ROBO2: variants seen among roughly 807,000 people sequenced by gnomAD.
ROBO2 encodes the protein roundabout guidance receptor 2.
ROBO2 carries 53 observed loss-of-function variants against 160.8 expected under a neutral mutation model. The observed-to-expected ratio is 0.33, with a 90% CI of 0.26 to 0.41. ROBO2 has a LOEUF of 0.41. ROBO2 is among the 10% of genes least tolerant of loss of function. The pLI is 1.00. For missense variants in ROBO2, 1,577 were observed against 1,722.4 expected (o/e 0.92, Z 1.49); for synonymous variants, 664 against 611.7 (o/e 1.09, Z -1.26).
intron 2 of ROBO2, among the ~76,000 whole-genome samples, chr3:77,366,335 G>A (rs555374026): frequency 3.9e-5 from 6 of 152,092 alleles, no homozygotes; most frequent in Middle Eastern, 3.4e-3. Context: ...TGGGACTTTC[G>A]GGAAATGATT....
chr3:77,418,213 G>A (rs1437443105), intron 2 of ROBO2, among the ~76,000 whole-genome samples: 4 of 152,028 alleles, frequency 2.6e-5, no homozygotes, highest in African/African-American at 9.7e-5. Context: ...TCTTCAAATT[G>A]ATATCAACTG....
At chr3:76,325,836 C>T (rs1166299394) in intron 2 of ROBO2, among the ~76,000 whole-genome samples, 1 of 151,890 alleles carries the variant, frequency 6.6e-6, no homozygotes, top group African/African-American at 2.4e-5. Context: ...GTTCCTTGTA[C>T]AAAAAGGAAC....
chr3:77,234,575 G>T (rs1232701472), intron 2 of ROBO2, among the ~76,000 whole-genome samples: 3 of 151,870 alleles, frequency 2.0e-5, no homozygotes, highest in African/African-American at 7.3e-5. Flanking sequence ...CATATGAAAG[G>T]GACATTTATC....
At chr3:76,798,041 T>C (rs2063829700) in intron 2 of ROBO2, among the ~76,000 whole-genome samples, 1 of 149,816 alleles carries the variant, frequency 6.7e-6, no homozygotes, top group African/African-American at 2.5e-5. Context: ...AGGAAATTTT[T>C]CCAAACTCAT....
chr3:76,428,317 A>G (rs1479265672), intron 2 of ROBO2, among the ~76,000 whole-genome samples: 1 of 152,192 alleles, frequency 6.6e-6, no homozygotes, highest in Non-Finnish European at 1.5e-5. Context: ...GAAAAGAAAA[A>G]GCACAGAAAT....
At chr3:77,503,779 A>G (rs986507601) in intron 5 of ROBO2, among the ~76,000 whole-genome samples, 1 of 152,016 alleles carries the variant, frequency 6.6e-6, no homozygotes, top group East Asian at 1.9e-4. Context: ...GTCCCTCAGG[A>G]AAAGTTGTAA....
At chr3:76,824,125 A>G (rs2066367012) in intron 2 of ROBO2, among the ~76,000 whole-genome samples, 1 of 152,178 alleles carries the variant, frequency 6.6e-6, no homozygotes, top group Non-Finnish European at 1.5e-5. Context: ...TCTGGGTTCC[A>G]GCCAGAAGGA....
At chr3:77,216,088 C>T (rs370898348) in intron 2 of ROBO2, among the ~76,000 whole-genome samples, 56 of 152,250 alleles carry the variant, frequency 3.7e-4, no homozygotes, top group South Asian at 2.1e-4. Flanking sequence ...GCTGGGAGAA[C>T]GACTACTCTC....
At chr3:77,406,519 C>A (rs1257314746) in intron 2 of ROBO2, among the ~76,000 whole-genome samples, 1 of 151,998 alleles carries the variant, frequency 6.6e-6, no homozygotes, top group Non-Finnish European at 1.5e-5. Flanking sequence ...ATCAACATGG[C>A]CTTATTAATA....
At chr3:76,671,970 A>C (rs1479446560) in intron 2 of ROBO2, among the ~76,000 whole-genome samples, 1 of 152,150 alleles carries the variant, frequency 6.6e-6, no homozygotes, top group Non-Finnish European at 1.5e-5. Context: ...AAACAAGTGA[A>C]TAAACTATGG....
chr3:77,634,984 A>G (rs375557218), exon 24 of ROBO2: 2 of 1,614,056 alleles, frequency 1.2e-6, no homozygotes, highest in Non-Finnish European at 1.7e-6. Context: ...AAAAAACACA[A>G]GGGAGGGCGG....
chr3:76,272,649 C>T (rs1362273136), intron 2 of ROBO2, among the ~76,000 whole-genome samples: 1 of 82,392 alleles, frequency 1.2e-5, no homozygotes, highest in African/African-American at 3.6e-5. Context: ...GGCGAAAGAG[C>T]GAGACCCTGT....
At chr3:76,556,862 A>G (rs1238763768) in intron 2 of ROBO2, among the ~76,000 whole-genome samples, 1 of 152,068 alleles carries the variant, frequency 6.6e-6, no homozygotes, top group African/African-American at 2.4e-5. Flanking sequence ...AACCAACCCA[A>G]CATACCTCCC....
upstream of ROBO2, among the ~76,000 whole-genome samples, chr3:77,037,121 C>T (rs1360421737): frequency 6.6e-6 from 1 of 151,996 alleles, no homozygotes; most frequent in African/African-American, 2.4e-5. Flanking sequence ...TTCTGTCTGG[C>T]GACTCGTTAC....
intron 2 of ROBO2, among the ~76,000 whole-genome samples, chr3:76,065,184 C>G (rs1258598921): frequency 6.6e-6 from 1 of 152,048 alleles, no homozygotes; most frequent in Non-Finnish European, 1.5e-5. Context: ...CCGTATCTCT[C>G]CGTTGTCAGA....
At chr3:77,604,808 G>T (rs1265615743) in intron 20 of ROBO2, among the ~76,000 whole-genome samples, 1 of 152,056 alleles carries the variant, frequency 6.6e-6, no homozygotes, top group South Asian at 2.1e-4. Context: ...TTCTTAATTT[G>T]TGGATAGCAA....
intron 16 of ROBO2, 43 bp downstream of exon 17, chr3:77,580,161 C>T (rs2093877452): frequency 1.3e-6 from 2 of 1,588,484 alleles, no homozygotes; most frequent in Admixed American, 3.3e-5. Context: ...AATCAGTCAG[C>T]TGACAAGGTG....
intron 2 of ROBO2, among the ~76,000 whole-genome samples, chr3:77,177,318 T>C (rs1351845714): frequency 6.6e-6 from 1 of 152,006 alleles, no homozygotes; most frequent in Non-Finnish European, 1.5e-5. Flanking sequence ...TATATGATAA[T>C]ACTTTGTTTC....
At chr3:77,524,282 AAT>A (rs10637272) in intron 6 of ROBO2, among the ~76,000 whole-genome samples, 11 of 148,460 alleles carry the variant, frequency 7.4e-5, no homozygotes, top group Admixed American at 1.3e-4. Flanking sequence ...ATATGAATTG[AAT>A]ATATATATAT....
Sources: allele counts gnomAD v4.1 joint callset (sites outside exome capture counted in the v4.1 genomes callset), GRCh38; gene constraint gnomAD v4.1.1; transcripts MANE v1.5; gene names NCBI Gene and HGNC (gene_info 2026-07-23, HGNC 2026-07-21).